Variants in NFATC1 observed in about 807,000 individuals in gnomAD.
The protein encoded by NFATC1 is nuclear factor of activated T cells 1, also known as nuclear factor of activated T-cells, cytoplasmic 1.
A neutral mutation model predicts 76.0 loss-of-function variants in NFATC1; 22 were observed. The ratio of observed to expected loss-of-function variants is 0.29; its 90% CI spans 0.21 to 0.41. The LOEUF is 0.41. NFATC1 is among the 10% of genes least tolerant of loss of function. The pLI, the probability that NFATC1 is intolerant of heterozygous loss-of-function variation, is 1.00. For synonymous variants in NFATC1, 704 were observed against 613.1 expected (o/e 1.15, Z -2.19); for missense variants, 1,357 against 1,337.7 (o/e 1.01, Z -0.23).
intron 2 of NFATC1, among the ~76,000 whole-genome samples, chr18:79,426,505 G>A (rs962421381): frequency 2.7e-4 from 41 of 152,226 alleles, no homozygotes; most frequent in Admixed American, 1.5e-3. Context: ...GACCCGTGTC[G>A]GGACTCGCAG....
At chr18:79,447,800 A>T (rs1390169959) in intron 3 of NFATC1, among the ~76,000 whole-genome samples, 2 of 152,248 alleles carry the variant, frequency 1.3e-5, no homozygotes, top group African/African-American at 2.4e-5. Context: ...TGGTAGCGTT[A>T]AAGATAAAAA....
At position 79,411,368 on chromosome 18, in the gene NFATC1, G is replaced by A. The variant is rs1228160944; in HGVS notation, c.1093G>A (p.Asp365Asn). Residue 365 changes from aspartate (D) to asparagine (N), a missense_variant, in exon 2 of 10, where the codon GAC (aspartate) becomes AAC (asparagine). Transcript: ENST00000427363. Reference protein sequence around the residue: ...EDLGSPPPPADFAPEDYSSFQ... With the variant: ...EDLGSPPPPANFAPEDYSSFQ... ...CCTGGGCAGCCCCCCGCCCCCGGCC[G>A]ACTTCGCGCCCGAAGACTACTCCTC... 1.1e-5 allele frequency: 17 copies of A among 1,587,464 alleles called. No homozygotes were observed. The highest frequency in any genetic ancestry group is 7.1e-5 in the Admixed American group (4 of 56,324).
At chr18:79,505,624 C>G (rs1468058534) in intron 9 of NFATC1, among the ~76,000 whole-genome samples, 3 of 143,896 alleles carry the variant, frequency 2.1e-5, no homozygotes, top group Non-Finnish European at 4.5e-5. Context: ...CAGGAGACTG[C>G]TGCGTGGGAG....
chr18:79,485,953 C>T (rs1013546988), intron 8 of NFATC1, among the ~76,000 whole-genome samples: 3 of 152,232 alleles, frequency 2.0e-5, no homozygotes, highest in Admixed American at 1.3e-4. Context: ...TCCTGCAAAC[C>T]CACAGGCCCC....
chr18:79,415,673 C>G (rs1671563425), intron 2 of NFATC1, among the ~76,000 whole-genome samples: 1 of 152,102 alleles, frequency 6.6e-6, no homozygotes, highest in Non-Finnish European at 1.5e-5. Flanking sequence ...AAAAGAATTC[C>G]TAAGGGGCGA....
chr18:79,403,533 G>C (rs555039723), intron 1 of NFATC1, among the ~76,000 whole-genome samples: 2 of 152,356 alleles, frequency 1.3e-5, no homozygotes, highest in African/African-American at 4.8e-5. Context: ...CCGCCCCAGG[G>C]CTCCTGTTTT....
At position 79,400,205 on chromosome 18, in the gene NFATC1, C is replaced by T. The variant is rs1240638336; in HGVS notation, c.127+3854C>T. Reference sequence around the variant, plus strand: ...GTGTCCGGGGAGTTTATTTAAAACTCGGAAGCCGGCGGCCGCGAGCCGGTT... The same window carrying T: ...GTGTCCGGGGAGTTTATTTAAAACTTGGAAGCCGGCGGCCGCGAGCCGGTT... On this transcript the variant is annotated intron_variant, in intron 1 of 9. Transcript: ENST00000427363. 3.6e-5 allele frequency: 42 copies of T among 1,170,804 alleles called. No homozygotes were observed. The East Asian group carries it at 5.8e-4, about 16-fold the overall frequency. The allele number at this position is 1,170,804 out of a possible 1,614,324, so 72.5% of individuals were successfully genotyped here.
At chr18:79,514,312 C>A (rs561545030) in intron 9 of NFATC1, among the ~76,000 whole-genome samples, 26 of 152,076 alleles carry the variant, frequency 1.7e-4, no homozygotes, top group African/African-American at 5.8e-4. Flanking sequence ...TGGTGGTGCA[C>A]ACCTGTGGTC....
intron 9 of NFATC1, among the ~76,000 whole-genome samples, chr18:79,514,481 G>C (rs577426549): frequency 7.0e-6 from 1 of 143,838 alleles, no homozygotes; most frequent in Non-Finnish European, 1.5e-5. Flanking sequence ...AGAAAGGATC[G>C]CATAAGCCTG....
chr18:79,441,599 T>G (rs1341241181), intron 3 of NFATC1, among the ~76,000 whole-genome samples: 1 of 152,116 alleles, frequency 6.6e-6, no homozygotes, highest in Non-Finnish European at 1.5e-5. Context: ...CAGGCCCTGC[T>G]GGGGTAGACT....
At chr18:79,510,599 A>T (rs1444636196) in intron 9 of NFATC1, among the ~76,000 whole-genome samples, 2 of 152,218 alleles carry the variant, frequency 1.3e-5, no homozygotes, top group Non-Finnish European at 2.9e-5. Flanking sequence ...TTTTCTGTTT[A>T]TGTGGGAAAC....
chr18:79,411,410 A>T lies in NFATC1; in HGVS notation c.1135A>T (p.Lys379Ter). 6.4e-7 allele frequency: 1 copy of T among 1,559,704 alleles called. No homozygotes were observed. Among genetic ancestry groups the T allele is most frequent in the African/African-American group, 1.4e-5 (1 of 73,192 alleles). Residue 379 changes from lysine (K) to a stop codon, truncating the protein, a stop_gained, in exon 2 of 10, where the codon AAG becomes TAG. Transcript: ENST00000427363. LOFTEE classifies it high-confidence loss of function. Reference sequence around the variant, plus strand: ...CTACTCCTCTTTCCAGCACATCAGGAAGGGCGGCTTCTGCGACCAGTACCT... The same window carrying T: ...CTACTCCTCTTTCCAGCACATCAGGTAGGGCGGCTTCTGCGACCAGTACCT... The part of the protein sequence containing the change: ...EDYSSFQHIR[K>*]GGFCDQYLAV...
At chr18:79,459,028 G>A (rs1600786786) in intron 6 of NFATC1, among the ~76,000 whole-genome samples, 1 of 152,246 alleles carries the variant, frequency 6.6e-6, no homozygotes, top group East Asian at 1.9e-4. Flanking sequence ...GGACACCACG[G>A]GGAGAGGCCC....
At chr18:79,460,335 G>A (rs910933802) in intron 6 of NFATC1, among the ~76,000 whole-genome samples, 1 of 152,228 alleles carries the variant, frequency 6.6e-6, no homozygotes, top group Admixed American at 6.5e-5. Flanking sequence ...TTCATTTTGG[G>A]AACAGACTTT....
intron 3 of NFATC1, among the ~76,000 whole-genome samples, chr18:79,441,015 C>T (rs555759390): frequency 6.6e-6 from 1 of 152,352 alleles, no homozygotes; most frequent in Non-Finnish European, 1.5e-5. Context: ...CCAGGCAGGA[C>T]ACCGGGCCTT....
rs1162441395 is a variant in NFATC1 at position 79,486,752 on chromosome 18, C to T, written c.2597C>T (p.Pro866Leu). Residue 866 changes from proline (P) to leucine (L), a missense_variant, in exon 9 of 10, where the codon CCA (proline) becomes CTA (leucine). Pro to Leu is a moderately conservative substitution (Grantham distance 98). Transcript: ENST00000427363. ...QEPTCLQPCSPACPPATGRPQ... is the reference protein window; with the variant it reads ...QEPTCLQPCSLACPPATGRPQ... ...CCGACCTGCCTGCAGCCCTGCAGCC[C>T]AGCGTGCCCGCCCGCCACGGGCCGC... The T allele has an allele frequency of 6.2e-7, 1 of 1,603,378 alleles. No homozygotes were observed. The highest frequency in any genetic ancestry group is 1.3e-5 in the African/African-American group (1 of 74,768).
chr18:79,441,796 C>A (rs1408878165), intron 3 of NFATC1, among the ~76,000 whole-genome samples: 1 of 152,096 alleles, frequency 6.6e-6, no homozygotes, highest in Non-Finnish European at 1.5e-5. Flanking sequence ...TGCGGCGTTT[C>A]CCACTTGCCT....
chr18:79,478,717 C>A (rs1284004631), intron 8 of NFATC1, among the ~76,000 whole-genome samples: 1 of 152,210 alleles, frequency 6.6e-6, no homozygotes, highest in Non-Finnish European at 1.5e-5. Context: ...AGAATTGGCA[C>A]CTGCATGGGG....
chr18:79,519,334 T>G (rs2090458444), intron 9 of NFATC1, among the ~76,000 whole-genome samples: 1 of 152,160 alleles, frequency 6.6e-6, no homozygotes, highest in Admixed American at 6.5e-5. Context: ...ATTTTTTATT[T>G]TTTTATTTTT....
Sources: allele counts gnomAD v4.1 joint callset (sites outside exome capture counted in the v4.1 genomes callset), GRCh38; gene constraint gnomAD v4.1.1; transcripts MANE v1.5; gene names NCBI Gene and HGNC (gene_info 2026-07-23, HGNC 2026-07-21).